The following STK39 variants were observed in gnomAD, a reference collection of about 807,000 sequenced individuals.
STK39 encodes the protein STE20/SPS1-related proline-alanine-rich protein kinase.
STK39 carries 20 observed loss-of-function variants against 77.8 expected under a neutral mutation model. The observed-to-expected ratio is 0.26, with a 90% CI of 0.18 to 0.37. STK39 has a LOEUF of 0.37. Among genes scored for constraint, STK39 ranks in the 10% least tolerant of loss-of-function variants. STK39 has a pLI of 1.00. For synonymous variants in STK39, 246 were observed against 234.1 expected, an observed-to-expected ratio of 1.05 and a Z score of -0.47; for missense variants, 479 against 656.5, an observed-to-expected ratio of 0.73 and a Z score of 2.95.
intron 5 of STK39, among the ~76,000 whole-genome samples, chr2:168,160,621 A>G (rs534725094): frequency 6.6e-6 from 1 of 152,258 alleles, no homozygotes; most frequent in African/African-American, 2.4e-5. Flanking sequence ...CTTTAAGGAA[A>G]CTGAGTCTTA....
intron 10 of STK39, among the ~76,000 whole-genome samples, chr2:168,123,530 C>T (rs1687461591): frequency 1.3e-5 from 2 of 152,064 alleles, no homozygotes; most frequent in Admixed American, 6.6e-5. Context: ...ATTCTTGGCA[C>T]TATTTTTCTA....
At chr2:168,223,700 T>C (rs1312959355) in intron 1 of STK39, among the ~76,000 whole-genome samples, 2 of 152,020 alleles carry the variant, frequency 1.3e-5, no homozygotes, top group Non-Finnish European at 1.5e-5. Flanking sequence ...CATCCAAGTC[T>C]CTGCCTCCTG....
At chr2:168,095,459 C>G (rs1686637514) in intron 10 of STK39, among the ~76,000 whole-genome samples, 1 of 152,062 alleles carries the variant, frequency 6.6e-6, no homozygotes, top group Non-Finnish European at 1.5e-5. Context: ...CTTCAATTCT[C>G]TGATTCAATG....
At chr2:168,168,442 C>A (rs999153081) in intron 2 of STK39, among the ~76,000 whole-genome samples, 2 of 152,014 alleles carry the variant, frequency 1.3e-5, no homozygotes, top group Non-Finnish European at 2.9e-5. Context: ...CCTAAATGAT[C>A]AAAGAAACCT....
chr2:168,054,489 C>A (rs1003301280), intron 14 of STK39, among the ~76,000 whole-genome samples: 22 of 152,124 alleles, frequency 1.4e-4, no homozygotes, highest in African/African-American at 5.1e-4. Flanking sequence ...TGAAGGATAC[C>A]ACTAATAAAG....
intron 10 of STK39, among the ~76,000 whole-genome samples, chr2:168,118,792 A>T (rs962544279): frequency 1.3e-5 from 2 of 152,254 alleles, no homozygotes; most frequent in East Asian, 3.9e-4. Flanking sequence ...CTTTTTACAG[A>T]CTGGTAAGCA....
intron 14 of STK39, among the ~76,000 whole-genome samples, chr2:168,058,718 G>A (rs563488757): frequency 3.3e-5 from 5 of 152,216 alleles, no homozygotes; most frequent in South Asian, 2.1e-4. Context: ...CCCCAATCTG[G>A]AATCCAATAA....
chr2:167,962,630 C>T (rs1161168168), intron 17 of STK39, among the ~76,000 whole-genome samples: 1 of 152,204 alleles, frequency 6.6e-6, no homozygotes, highest in East Asian at 1.9e-4. Flanking sequence ...GCCTGACAGG[C>T]CACTATTACT....
chr2:168,057,459 C>T (rs1685554535), intron 14 of STK39, among the ~76,000 whole-genome samples: 1 of 152,206 alleles, frequency 6.6e-6, no homozygotes, highest in African/African-American at 2.4e-5. Context: ...TCCCAAAGTG[C>T]TGCAATTATA....
intron 14 of STK39, among the ~76,000 whole-genome samples, chr2:168,059,026 T>C (rs1685595531): frequency 6.6e-6 from 1 of 152,280 alleles, no homozygotes; most frequent in African/African-American, 2.4e-5. Flanking sequence ...ACCTTGGCTC[T>C]GCCTGCACTG....
Position 168,050,403 on chromosome 2 carries a change from A to C in STK39, c.1376+13097T>G, listed in dbSNP as rs79132001. Among the ~76,000 whole-genome samples the C allele has an allele frequency of 6.6e-5, 10 of 152,390 alleles. No homozygotes were observed. The East Asian group carries it at 1.7e-3, about 26-fold the overall frequency. ...AATCTCAGGAACCTGTGAATAAGTT[A>C]ACTCTTCATGGCAAAAAGGGATTTG... is the stretch of plus-strand genomic sequence containing the variant. On this transcript the variant is annotated intron_variant, in intron 14 of 17. Coordinates refer to ENST00000355999, the MANE Select transcript of STK39 (RefSeq NM_013233.3).
chr2:168,233,127 T>TA (rs1393018370), intron 1 of STK39, among the ~76,000 whole-genome samples: 1 of 152,162 alleles, frequency 6.6e-6, no homozygotes, highest in African/African-American at 2.4e-5. Flanking sequence ...TTACTATTCT[T>TA]ACGTTCATCC....
intron 5 of STK39, among the ~76,000 whole-genome samples, chr2:168,141,985 T>C (rs1687996697): frequency 1.3e-5 from 2 of 152,352 alleles, no homozygotes; most frequent in South Asian, 4.1e-4. Context: ...CAACAGGATT[T>C]CAACTACAAA....
At chr2:168,019,475 T>C (rs150481083) in intron 14 of STK39, among the ~76,000 whole-genome samples, 3 of 152,344 alleles carry the variant, frequency 2.0e-5, no homozygotes, top group African/African-American at 7.2e-5. Context: ...GCTTCAGTTA[T>C]TCACAGTGGT....
Position 168,183,857 on chromosome 2 carries a change from A to G in STK39, c.209-1767T>C, listed in dbSNP as rs764094604. Among the ~76,000 whole-genome samples the G allele has an allele frequency of 1.5e-4, 23 of 152,332 alleles. No individual in the cohort carries two copies. The South Asian group carries it at 2.9e-3, about 19-fold the overall frequency. On this transcript the variant is annotated intron_variant, in intron 1 of 17. Coordinates refer to ENST00000355999, the MANE Select transcript of STK39 (RefSeq NM_013233.3). Reference sequence around the variant, plus strand: ...GGTCCAGATGGCAGAGCCAAACAATACAAAAAGTCTGCTGATAGCAAAGTA... The same window carrying G: ...GGTCCAGATGGCAGAGCCAAACAATGCAAAAAGTCTGCTGATAGCAAAGTA...
intron 16 of STK39, among the ~76,000 whole-genome samples, chr2:168,011,955 T>C (rs1477840568): frequency 6.6e-6 from 1 of 152,188 alleles, no homozygotes; most frequent in Non-Finnish European, 1.5e-5. Context: ...TCTAAGTTTA[T>C]TAGAACTGTG....
chr2:168,096,275 GCA>G (rs754781108), intron 10 of STK39, among the ~76,000 whole-genome samples: 2 of 152,126 alleles, frequency 1.3e-5, no homozygotes, highest in South Asian at 2.1e-4. Flanking sequence ...TGACAGTACA[GCA>G]CAGTGTTTAC....
intron 1 of STK39, among the ~76,000 whole-genome samples, chr2:168,203,085 T>C (rs1279084917): frequency 6.6e-6 from 1 of 152,112 alleles, no homozygotes; most frequent in African/African-American, 2.4e-5. Flanking sequence ...GTCCTGAAGA[T>C]GTTTAGAGCA....
chr2:168,238,959 GA>G (rs537336554), intron 1 of STK39, among the ~76,000 whole-genome samples: 362 of 150,968 alleles, frequency 2.4e-3, no homozygotes, highest in Non-Finnish European at 3.6e-3. Flanking sequence ...ATTTAAATAG[GA>G]AAAAAAAACT....
Sources: gnomAD v4.1 joint callset for allele counts (sites outside exome capture counted in the v4.1 genomes callset) on GRCh38, gnomAD v4.1.1 for gene constraint, MANE v1.5 for transcripts, NCBI Gene and HGNC (gene_info 2026-07-23, HGNC 2026-07-21) for gene names.